NCKAP5: variants seen among roughly 807,000 people sequenced by gnomAD.
NCKAP5 encodes nck-associated protein 5.
Under a neutral mutation model 167.0 loss-of-function variants are expected in NCKAP5, and 92 were observed. The ratio of observed to expected loss-of-function variants is 0.55; its 90% CI spans 0.47 to 0.66. The LOEUF (loss-of-function observed/expected upper bound fraction) is 0.66, where lower values mean the gene tolerates loss of function less well. Among genes scored for constraint, NCKAP5 ranks in the 30% least tolerant of loss-of-function variants. The pLI, the probability that NCKAP5 is intolerant of heterozygous loss-of-function variation, is 0.00. For missense variants in NCKAP5, 2,378 were observed against 2,315.0 expected (o/e 1.03, Z -0.56); for synonymous variants, 891 against 877.4 (o/e 1.02, Z -0.27).
intron 3 of NCKAP5, among the ~76,000 whole-genome samples, chr2:133,494,169 A>G (rs1227498378): frequency 1.3e-5 from 2 of 152,118 alleles, no homozygotes; most frequent in Non-Finnish European, 2.9e-5. Flanking sequence ...CTGTTTTACC[A>G]TTTGCCTCTG....
intron 2 of NCKAP5, among the ~76,000 whole-genome samples, chr2:133,542,834 C>G (rs939182729): frequency 1.4e-4 from 22 of 152,134 alleles, no homozygotes; most frequent in Non-Finnish European, 2.5e-4. Flanking sequence ...TGGATAAAAT[C>G]AGGAGTTTTA....
chr2:132,778,120 A>G (rs938519028), intron 15 of NCKAP5, among the ~76,000 whole-genome samples: 3 of 152,094 alleles, frequency 2.0e-5, no homozygotes, highest in African/African-American at 7.2e-5. Context: ...CCTCTTTCTG[A>G]CTTACTGACT....
At chr2:133,006,955 C>T (rs1186973671) in intron 6 of NCKAP5, among the ~76,000 whole-genome samples, 7 of 152,176 alleles carry the variant, frequency 4.6e-5, no homozygotes, top group African/African-American at 1.7e-4. Context: ...TCTTGTGACA[C>T]TTGTTCCATG....
chr2:133,656,221 T>C, the NCKAP5 span, among the ~76,000 whole-genome samples: 1 of 151,934 alleles, frequency 6.6e-6, no homozygotes, highest in Non-Finnish European at 1.5e-5. Context: ...TTGGGCAAGT[T>C]ATTCAACCTC....
intron 11 of NCKAP5, among the ~76,000 whole-genome samples, chr2:132,816,117 C>T (rs1477878184): frequency 6.6e-6 from 1 of 151,988 alleles, no homozygotes; most frequent in Non-Finnish European, 1.5e-5. Flanking sequence ...CAGGGGCTTA[C>T]CGGAAATTTC....
At chr2:132,881,076 AT>A (rs1024133429) in intron 8 of NCKAP5, among the ~76,000 whole-genome samples, 5 of 152,056 alleles carry the variant, frequency 3.3e-5, no homozygotes, top group South Asian at 2.1e-4. Flanking sequence ...ATTGATAGCA[AT>A]TTTTTTCCAG....
intron 6 of NCKAP5, among the ~76,000 whole-genome samples, chr2:133,079,066 A>G (rs1475883048): frequency 1.3e-5 from 2 of 152,216 alleles, no homozygotes; most frequent in East Asian, 3.9e-4. Flanking sequence ...GAAAAGAAAT[A>G]TAACACAAAC....
intron 3 of NCKAP5, among the ~76,000 whole-genome samples, chr2:133,311,565 T>C (rs1681232799): frequency 6.6e-6 from 1 of 152,132 alleles, no homozygotes; most frequent in South Asian, 2.1e-4. Context: ...TTCCAACCCT[T>C]TAATCACATG....
At position 133,233,371 on chromosome 2, in the gene NCKAP5, T is replaced by C. The variant is rs114182848; in HGVS notation, c.144-19592A>G. 3.6e-3 allele frequency among the ~76,000 whole-genome samples: 550 copies of C among 152,334 alleles called. 2 individuals are homozygous for C. The highest frequency in any genetic ancestry group is 0.013 in the African/African-American group (532 of 41,572). On this transcript the variant is annotated intron_variant, in intron 4 of 19. Coordinates refer to ENST00000409261, the MANE Select transcript of NCKAP5 (RefSeq NM_207363.3). ...TGCAAGCATAAATAGTGTCTAACTC[T>C]ATAAAGTTATGTTCAACACTGGCCA...
intron 11 of NCKAP5, among the ~76,000 whole-genome samples, chr2:132,803,013 A>G (rs1366131064): frequency 2.0e-5 from 3 of 152,210 alleles, no homozygotes; most frequent in Non-Finnish European, 2.9e-5. Context: ...TACATAACTG[A>G]GTATTATATG....
chr2:133,444,137 G>A (rs1365812638), intron 3 of NCKAP5, among the ~76,000 whole-genome samples: 1 of 152,084 alleles, frequency 6.6e-6, no homozygotes, highest in African/African-American at 2.4e-5. Context: ...GCTGGAAGGT[G>A]TCTGGGGCTC....
the NCKAP5 span, among the ~76,000 whole-genome samples, chr2:133,661,149 G>A: frequency 3.3e-5 from 5 of 152,250 alleles, 1 homozygote; most frequent in African/African-American, 9.6e-5. Flanking sequence ...GAGAAATGAC[G>A]AGGATTGATG....
chr2:132,962,509 C>T (rs1253042347), intron 8 of NCKAP5, among the ~76,000 whole-genome samples: 1 of 152,160 alleles, frequency 6.6e-6, no homozygotes, highest in Non-Finnish European at 1.5e-5. Flanking sequence ...AATGGATATG[C>T]TCATTATAGA....
At chr2:132,904,940 T>C (rs887209607) in intron 8 of NCKAP5, among the ~76,000 whole-genome samples, 1 of 152,204 alleles carries the variant, frequency 6.6e-6, no homozygotes, top group African/African-American at 2.4e-5. Flanking sequence ...ATTTCTGATA[T>C]TTTTATGTTC....
chr2:133,348,811 C>T (rs1684154827), intron 3 of NCKAP5, among the ~76,000 whole-genome samples: 4 of 152,026 alleles, frequency 2.6e-5, no homozygotes, highest in Admixed American at 2.0e-4. Context: ...GACCTGCTGC[C>T]CAGCTGGGAA....
intron 3 of NCKAP5, among the ~76,000 whole-genome samples, chr2:133,487,845 T>A (rs930660781): frequency 2.6e-5 from 4 of 152,120 alleles, no homozygotes; most frequent in African/African-American, 9.7e-5. Context: ...CCACCAAATT[T>A]CCCCTGTCTT....
At chr2:132,740,192 C>T (rs1679056394) in intron 16 of NCKAP5, among the ~76,000 whole-genome samples, 2 of 152,146 alleles carry the variant, frequency 1.3e-5, no homozygotes, top group African/African-American at 4.8e-5. Context: ...AAAGTTTCAG[C>T]CAAACATACA....
At chr2:133,048,404 A>G (rs983436300) in intron 6 of NCKAP5, among the ~76,000 whole-genome samples, 1 of 152,232 alleles carries the variant, frequency 6.6e-6, no homozygotes, top group African/African-American at 2.4e-5. Flanking sequence ...TGAAACAAAA[A>G]GGGTTCACCT....
chr2:133,306,295 G>C (rs138832504), intron 3 of NCKAP5, among the ~76,000 whole-genome samples: 22 of 152,326 alleles, frequency 1.4e-4, no homozygotes, highest in African/African-American at 5.1e-4. Context: ...CTGCAAAGGC[G>C]AAAGAAAAGG....
Sources: gnomAD v4.1 joint callset for allele counts (sites outside exome capture counted in the v4.1 genomes callset) on GRCh38, gnomAD v4.1.1 for gene constraint, MANE v1.5 for transcripts, NCBI Gene and HGNC (gene_info 2026-07-23, HGNC 2026-07-21) for gene names.